CPM: variants seen among roughly 807,000 people sequenced by gnomAD.
CPM encodes the protein renal carboxypeptidase.
CPM carries 35 observed loss-of-function variants against 46.4 expected under a neutral mutation model. That is an observed-to-expected ratio of 0.75 (90% CI 0.58 to 1.00). The LOEUF is 1.00. Among genes scored for constraint, CPM ranks in the 50% least tolerant of loss-of-function variants. The probability of loss-of-function intolerance (pLI) is 0.00; values close to 1 mark genes in which losing one functional copy is unlikely to be tolerated. For synonymous variants in CPM, 195 were observed against 195.3 expected, an observed-to-expected ratio of 1.00 and a Z score of 0.01; for missense variants, 422 against 530.4, an observed-to-expected ratio of 0.80 and a Z score of 2.01.
At chr12:68,863,308 C>T (rs1310735797) in intron 7 of CPM, among the ~76,000 whole-genome samples, 8 of 152,140 alleles carry the variant, frequency 5.3e-5, no homozygotes, top group African/African-American at 1.7e-4. Context: ...AAGACAGGGC[C>T]GCAGCAGGCA....
At chr12:68,915,119 G>C (rs1887752752) in intron 2 of CPM, among the ~76,000 whole-genome samples, 1 of 151,974 alleles carries the variant, frequency 6.6e-6, no homozygotes. Context: ...TGGAAACATA[G>C]TTCCCATGGG....
chr12:68,871,682 C>T, intron 4 of CPM, 102 bp downstream of exon 4: 1 of 1,246,838 alleles, frequency 8.0e-7, no homozygotes, highest in Non-Finnish European at 1.1e-6. Flanking sequence ...GCTCTGAGGG[C>T]TCTCACCATG....
chr12:68,962,093 A>G (rs11177420), intron 1 of CPM, among the ~76,000 whole-genome samples: 1,922 of 151,638 alleles, frequency 0.013, 27 homozygotes, highest in East Asian at 0.044. Flanking sequence ...TCAGCTACTC[A>G]GGAGGCTGAG....
chr12:68,883,307 T>C (rs1401581409), intron 3 of CPM, among the ~76,000 whole-genome samples: 1 of 152,212 alleles, frequency 6.6e-6, no homozygotes, highest in Non-Finnish European at 1.5e-5. Flanking sequence ...AGGGGGTTGT[T>C]ATATCCTGTA....
chr12:68,874,611 G>A (rs1279854120), intron 3 of CPM, among the ~76,000 whole-genome samples: 1 of 151,314 alleles, frequency 6.6e-6, no homozygotes, highest in Non-Finnish European at 1.5e-5. Flanking sequence ...ACACCATCTC[G>A]AAAAAAAACC....
At chr12:68,920,932 C>T (rs879817349) in intron 2 of CPM, among the ~76,000 whole-genome samples, 4 of 151,542 alleles carry the variant, frequency 2.6e-5, no homozygotes, top group Non-Finnish European at 5.9e-5. Context: ...AAACTCCTGG[C>T]CTTAAGCAAT....
intron 2 of CPM, among the ~76,000 whole-genome samples, chr12:68,916,349 A>G (rs535264131): frequency 6.6e-6 from 1 of 152,334 alleles, no homozygotes; most frequent in Admixed American, 6.5e-5. Context: ...GAAACTACAT[A>G]TAATCACCAT....
chr12:68,870,053 G>A (rs1454278080), intron 5 of CPM, among the ~76,000 whole-genome samples, 162 bp downstream of exon 5: 1 of 152,166 alleles, frequency 6.6e-6, no homozygotes, highest in Non-Finnish European at 1.5e-5. Context: ...ATCTGCTGTT[G>A]AAGAATCACA....
intron 1 of CPM, among the ~76,000 whole-genome samples, chr12:68,953,441 CT>C (rs1888967625): frequency 6.6e-6 from 1 of 152,162 alleles, no homozygotes; most frequent in Non-Finnish European, 1.5e-5. Context: ...TCTGACAGTC[CT>C]ATATCCCTGT....
intron 5 of CPM, chr12:68,843,379 G>T (rs1233529119): frequency 4.3e-6 from 1 of 230,868 alleles, no homozygotes; most frequent in Non-Finnish European, 8.6e-6. Flanking sequence ...TTGAGCTGAT[G>T]GGTGTGCTAA....
chr12:68,900,402 T>C (rs997055929), intron 2 of CPM, among the ~76,000 whole-genome samples: 3 of 152,132 alleles, frequency 2.0e-5, no homozygotes, highest in Admixed American at 2.0e-4. Flanking sequence ...CTGGCGAGGA[T>C]GTGGAGCAAC....
At chr12:68,891,490 C>T (rs1437267491) in intron 2 of CPM, among the ~76,000 whole-genome samples, 7 of 152,194 alleles carry the variant, frequency 4.6e-5, no homozygotes, top group African/African-American at 1.7e-4. Flanking sequence ...AAGCATTTTA[C>T]GTATATTCAC....
At chr12:68,913,302 C>T (rs568781944) in intron 2 of CPM, among the ~76,000 whole-genome samples, 8 of 152,210 alleles carry the variant, frequency 5.3e-5, no homozygotes, top group African/African-American at 1.9e-4. Context: ...GAAGGAGGCT[C>T]CTGAATACAG....
rs189874633 is a variant in CPM, at chr12:68,922,826, C to A, written c.160+9852G>T. Among the ~76,000 whole-genome samples the A allele has an allele frequency of 5.5e-3, 839 of 152,226 alleles. 5 individuals carry two copies. The highest frequency in any genetic ancestry group is 0.01 in the Middle Eastern group (3 of 294). ...ACAAATTCAAATTAGGACTTACTAA[C>A]CTCTTCACAAACTACTATACAGTAT... On this transcript the variant is annotated intron_variant, in intron 2 of 8. Coordinates refer to ENST00000551568, the MANE Select transcript of CPM (RefSeq NM_198320.5).
intron 2 of CPM, among the ~76,000 whole-genome samples, chr12:68,886,285 T>A (rs2136253019): frequency 6.6e-6 from 1 of 150,494 alleles, no homozygotes; most frequent in Middle Eastern, 3.4e-3. Context: ...GATGGTTGAC[T>A]GGGAGGGTGT....
chr12:68,944,087 T>A (rs1888805423), intron 1 of CPM, among the ~76,000 whole-genome samples: 1 of 152,214 alleles, frequency 6.6e-6, no homozygotes, highest in African/African-American at 2.4e-5. Context: ...ATACATCATA[T>A]CTATTCAACA....
At chr12:68,867,085 A>T (rs780018582) in intron 6 of CPM, 37 bp from the exon 7 acceptor site, 1 of 1,610,242 alleles carries the variant, frequency 6.2e-7, no homozygotes, top group South Asian at 1.1e-5. Context: ...TTAGGGTCTA[A>T]AATTGGAGTG....
At chr12:68,881,394 G>A (rs1886183372) in intron 3 of CPM, among the ~76,000 whole-genome samples, 1 of 152,178 alleles carries the variant, frequency 6.6e-6, no homozygotes, top group African/African-American at 2.4e-5. Flanking sequence ...TGAGATCCAA[G>A]AGATCCAACA....
intron 1 of CPM, among the ~76,000 whole-genome samples, chr12:68,941,947 G>T (rs1019242254): frequency 1.3e-5 from 2 of 152,238 alleles, no homozygotes; most frequent in Non-Finnish European, 2.9e-5. Context: ...TTAGTGAAAA[G>T]CTGGATGGTT....
Sources: allele counts gnomAD v4.1 joint callset (sites outside exome capture counted in the v4.1 genomes callset), GRCh38; gene constraint gnomAD v4.1.1; transcripts MANE v1.5; gene names NCBI Gene and HGNC (gene_info 2026-07-23, HGNC 2026-07-21).